Variants in SDK1 observed in about 807,000 individuals in gnomAD.
SDK1 encodes protein sidekick-1.
In SDK1, 157 loss-of-function variants were observed where a neutral mutation model predicts 245.5. The ratio of observed to expected loss-of-function variants is 0.64; its 90% CI spans 0.56 to 0.73. The LOEUF is 0.73. Among genes scored for constraint, SDK1 ranks in the 30% least tolerant of loss-of-function variants. The pLI is 0.00. For synonymous variants in SDK1, 1,647 were observed against 1,278.5 expected (o/e 1.29, Z -6.15); for missense variants, 3,583 against 3,002.3 (o/e 1.19, Z -4.52).
intron 1 of SDK1, among the ~76,000 whole-genome samples, chr7:3,427,585 A>C (rs1462014389): frequency 6.6e-6 from 1 of 151,758 alleles, no homozygotes; most frequent in Non-Finnish European, 1.5e-5. Context: ...TAGTTTGAAC[A>C]GTGCTTGTCT....
intron 5 of SDK1, among the ~76,000 whole-genome samples, chr7:3,915,528 C>A (rs1450131279): frequency 1.3e-5 from 2 of 152,184 alleles, no homozygotes; most frequent in African/African-American, 4.8e-5. Flanking sequence ...TGTTTCCCAC[C>A]TCCATGTAAG....
intron 32 of SDK1, among the ~76,000 whole-genome samples, chr7:4,162,361 T>TTGA (rs1411956446): frequency 5.2e-4 from 60 of 115,580 alleles, no homozygotes; most frequent in African/African-American, 1.7e-3. Flanking sequence ...GTGGTGGTTG[T>TTGA]TGTTGTTGTT....
intron 4 of SDK1, among the ~76,000 whole-genome samples, chr7:3,731,104 G>C (rs1562402473): frequency 6.6e-6 from 1 of 152,142 alleles, no homozygotes; most frequent in Non-Finnish European, 1.5e-5. Context: ...CTCTGGGTTG[G>C]CTAGGTGTTT....
intron 1 of SDK1, among the ~76,000 whole-genome samples, chr7:3,614,386 T>C (rs1460701888): frequency 6.6e-6 from 1 of 152,226 alleles, no homozygotes; most frequent in Non-Finnish European, 1.5e-5. Flanking sequence ...AGGAAGGGAA[T>C]GTCTATTATT....
chr7:4,221,486 G>T, intron 40 of SDK1, 122 bp downstream of exon 40: 1 of 1,293,890 alleles, frequency 7.7e-7, no homozygotes, highest in Non-Finnish European at 1.0e-6. Flanking sequence ...CTGGGACCAA[G>T]AGGGCGGTTT....
At chr7:4,140,701 T>C (rs374347668) in intron 28 of SDK1, among the ~76,000 whole-genome samples, 2 of 152,050 alleles carry the variant, frequency 1.3e-5, no homozygotes, top group Non-Finnish European at 2.9e-5. Context: ...AAATGTGAAA[T>C]GGAAACAGGA....
chr7:3,808,055 G>T (rs1779294904), intron 4 of SDK1, among the ~76,000 whole-genome samples: 1 of 152,122 alleles, frequency 6.6e-6, no homozygotes, highest in Admixed American at 6.5e-5. Context: ...GTCAGAGAAG[G>T]GACTCCCATG....
At chr7:3,999,831 C>A (rs928319580) in intron 14 of SDK1, among the ~76,000 whole-genome samples, 3 of 152,190 alleles carry the variant, frequency 2.0e-5, no homozygotes, top group African/African-American at 7.2e-5. Flanking sequence ...TATCTCCCCC[C>A]ACCATGAGGG....
At chr7:3,633,102 T>C (rs1376933930) in intron 2 of SDK1, among the ~76,000 whole-genome samples, 1 of 152,188 alleles carries the variant, frequency 6.6e-6, no homozygotes, top group East Asian at 1.9e-4. Flanking sequence ...AGGATAAGAA[T>C]AGGCTTTGGT....
intron 14 of SDK1, 42 bp downstream of exon 14, chr7:3,987,364 A>AT (rs766452181): frequency 6.2e-7 from 1 of 1,604,850 alleles, no homozygotes; most frequent in Non-Finnish European, 8.5e-7. Flanking sequence ...CGATAATCAG[A>AT]TTTTTGTGTG....
At chr7:4,010,626 C>T (rs1393658820) in intron 14 of SDK1, among the ~76,000 whole-genome samples, 1 of 152,206 alleles carries the variant, frequency 6.6e-6, no homozygotes. Flanking sequence ...TGCAATCTGC[C>T]TAACCATGTG....
intron 4 of SDK1, among the ~76,000 whole-genome samples, chr7:3,701,270 C>G (rs1237778348): frequency 6.6e-6 from 1 of 152,158 alleles, no homozygotes; most frequent in Non-Finnish European, 1.5e-5. Context: ...CTACAAAATA[C>G]CGATGACAGA....
At chr7:3,411,421 A>G (rs1414699502) in intron 1 of SDK1, among the ~76,000 whole-genome samples, 3 of 152,202 alleles carry the variant, frequency 2.0e-5, no homozygotes. Context: ...ATCCAATAAC[A>G]TAGATGAATC....
intron 5 of SDK1, among the ~76,000 whole-genome samples, chr7:3,843,877 G>T (rs988586125): frequency 2.6e-5 from 4 of 152,292 alleles, no homozygotes; most frequent in African/African-American, 7.2e-5. Context: ...ATATGAAGAT[G>T]TATATGAAGG....
intron 4 of SDK1, among the ~76,000 whole-genome samples, chr7:3,653,745 T>C (rs1185108228): frequency 6.6e-6 from 1 of 152,116 alleles, no homozygotes; most frequent in Admixed American, 6.6e-5. Flanking sequence ...GAGGGTTTGC[T>C]CTAGCTAGAC....
intron 2 of SDK1, among the ~76,000 whole-genome samples, chr7:3,637,090 T>C (rs201091545): frequency 0.04 from 5,846 of 147,852 alleles, 122 homozygotes; most frequent in African/African-American, 0.044. Flanking sequence ...TGCGCGCGTG[T>C]GTGTGTGTGT....
intron 20 of SDK1, among the ~76,000 whole-genome samples, chr7:4,075,185 C>T (rs56294271): frequency 0.32 from 48,247 of 151,678 alleles, 8,059 homozygotes; most frequent in Middle Eastern, 0.41. Flanking sequence ...TGGAGGCACC[C>T]AGCAGCCAGG....
chr7:3,623,177 GA>G (rs1781997980), intron 2 of SDK1, among the ~76,000 whole-genome samples: 1 of 150,802 alleles, frequency 6.6e-6, no homozygotes, highest in Non-Finnish European at 1.5e-5. Context: ...TTCTAGCTTT[GA>G]CTTAAAATAA....
chr7:4,116,883 C>G (rs1052684460), intron 25 of SDK1, among the ~76,000 whole-genome samples: 4 of 152,224 alleles, frequency 2.6e-5, no homozygotes, highest in Admixed American at 6.5e-5. Flanking sequence ...ACTGCCCAAG[C>G]AGCAGGGCTG....
Sources: allele counts gnomAD v4.1 joint callset (sites outside exome capture counted in the v4.1 genomes callset), GRCh38; gene constraint gnomAD v4.1.1; transcripts MANE v1.5; gene names NCBI Gene and HGNC (gene_info 2026-07-23, HGNC 2026-07-21).